FOXP2: variants seen among roughly 807,000 people sequenced by gnomAD.
The protein encoded by FOXP2 is forkhead box P2.
A neutral mutation model predicts 115.8 loss-of-function variants in FOXP2; 12 were observed. The ratio of observed to expected loss-of-function variants is 0.10; its 90% CI spans 0.07 to 0.17. FOXP2 has a LOEUF of 0.17. Among genes scored for constraint, FOXP2 ranks in the 10% least tolerant of loss-of-function variants. FOXP2 has a pLI of 1.00. For missense variants in FOXP2, 629 were observed against 843.5 expected, an observed-to-expected ratio of 0.75 and a Z score of 3.15; for synonymous variants, 328 against 297.7, an observed-to-expected ratio of 1.10 and a Z score of -1.05.
intron 2 of FOXP2, among the ~76,000 whole-genome samples, chr7:114,356,491 A>G (rs998106145): frequency 1.3e-5 from 2 of 152,194 alleles, no homozygotes; most frequent in African/African-American, 4.8e-5. Context: ...ATAGCACCTC[A>G]CAGAAATATT....
chr7:114,459,125 G>T (rs557366635), intron 2 of FOXP2, among the ~76,000 whole-genome samples: 1 of 152,148 alleles, frequency 6.6e-6, no homozygotes, highest in Admixed American at 6.5e-5. Flanking sequence ...GCTACCTAGC[G>T]GGAAGGAAAA....
In FOXP2 at chr7:114,282,742, T is replaced by C. The variant is rs538839431; in HGVS notation, c.-101-5277T>C. Among the ~76,000 whole-genome samples, 3 of 152,286 alleles carry C rather than the reference T, an allele frequency of 2.0e-5. No homozygotes were observed. In the South Asian group the frequency reaches 6.2e-4, roughly 32 times the overall value. On this transcript the variant is annotated intron_variant, in intron 1 of 17. Coordinates refer to the FOXP2 transcript ENST00000634411. ...AATCAAAGTGGGATGGTAATTATAA[T>C]GGGCACTGTGTATCTCTGGTGGCAG...
intron 2 of FOXP2, among the ~76,000 whole-genome samples, chr7:114,391,659 A>G (rs901137690): frequency 6.6e-6 from 1 of 152,208 alleles, no homozygotes; most frequent in African/African-American, 2.4e-5. Flanking sequence ...CTAACTTAAC[A>G]TATTCCTATT....
intron 2 of FOXP2, chr7:114,366,382 G>C (rs982117544): frequency 6.6e-6 from 1 of 152,052 alleles, no homozygotes; most frequent in Non-Finnish European, 1.5e-5. Flanking sequence ...CATAATTAAT[G>C]CACTAAAAAG....
intron 2 of FOXP2, among the ~76,000 whole-genome samples, chr7:114,511,297 A>G (rs1173400539): frequency 6.6e-6 from 1 of 152,180 alleles, no homozygotes; most frequent in Non-Finnish European, 1.5e-5. Flanking sequence ...TGGCACATGT[A>G]TACCTATGGA....
At chr7:114,421,962 A>G (rs1793641461) in intron 1 of FOXP2, among the ~76,000 whole-genome samples, 1 of 151,778 alleles carries the variant, frequency 6.6e-6, no homozygotes, top group African/African-American at 2.4e-5. Context: ...GAACTTAACT[A>G]ATATTTTGAG....
chr7:114,161,893 G>T (rs1792847802), upstream of FOXP2, among the ~76,000 whole-genome samples: 1 of 151,912 alleles, frequency 6.6e-6, no homozygotes, highest in Admixed American at 6.6e-5. Flanking sequence ...TGCAATTCTT[G>T]TGCCTCAGCC....
chr7:114,444,663 AC>A (rs1450376377), intron 2 of FOXP2, among the ~76,000 whole-genome samples: 1 of 152,204 alleles, frequency 6.6e-6, no homozygotes, highest in African/African-American at 2.4e-5. Flanking sequence ...TAAGTCCTAG[AC>A]TGAGAACAAG....
intron 3 of FOXP2, among the ~76,000 whole-genome samples, chr7:114,593,725 A>G (rs1229213021): frequency 6.6e-6 from 1 of 151,986 alleles, no homozygotes; most frequent in African/African-American, 2.4e-5. Context: ...GTGAAACACT[A>G]TTACATACTA....
intron 9 of FOXP2, 51 bp from the exon 10 acceptor site, chr7:114,653,875 A>G (rs1806424975): frequency 6.6e-7 from 1 of 1,522,106 alleles, no homozygotes. Flanking sequence ...GCAATAAAAT[A>G]GCTGTATCAG....
chr7:114,659,505 G>A (rs1187326921), intron 12 of FOXP2, 67 bp from the exon 13 acceptor site: 1 of 1,576,332 alleles, frequency 6.3e-7, no homozygotes, highest in Non-Finnish European at 8.7e-7. Flanking sequence ...GCTTGGATGA[G>A]AAAGTGTCAT....
At chr7:114,250,864 T>C (rs1453837046) in intron 1 of FOXP2, among the ~76,000 whole-genome samples, 2 of 152,352 alleles carry the variant, frequency 1.3e-5, no homozygotes, top group Middle Eastern at 3.4e-3. Flanking sequence ...AGACATGAAG[T>C]CCTTGCCCAT....
In FOXP2 at chr7:114,557,422, C is replaced by G. The variant is rs114903188; in HGVS notation, c.258+22716C>G. 8.6e-3 allele frequency among the ~76,000 whole-genome samples: 1,314 copies of G among 152,242 alleles called. 19 individuals carry two copies. Among genetic ancestry groups the G allele is most frequent in the African/African-American group, 0.03 (1,257 of 41,548 alleles). On this transcript the variant is annotated intron_variant, in intron 3 of 16. Coordinates refer to ENST00000350908, the MANE Select transcript of FOXP2 (RefSeq NM_014491.4). ...AAATCGCATTAAGACAAATATATAT[C>G]ATCTGTGAAATTATGCTCTGAATGC...
rs558615906 is a variant in FOXP2 at position 114,629,408 on chromosome 7, A to G, written c.397-397A>G. On this transcript the variant is annotated intron_variant, in intron 4 of 16. Coordinates refer to ENST00000350908, the MANE Select transcript of FOXP2 (RefSeq NM_014491.4). ...AATCTGACATTGTTCTGAACATCTG[A>G]TGGATTAAGTTTTTTCCAATAAGAA... Among the ~76,000 whole-genome samples, 180 of 152,252 alleles carry G rather than the reference A, an allele frequency of 1.2e-3. 1 individual carries two copies. The highest frequency in any genetic ancestry group is 3.9e-3 in the African/African-American group (161 of 41,538).
At chr7:114,386,069 G>A (rs192296596) in intron 2 of FOXP2, among the ~76,000 whole-genome samples, 3 of 152,228 alleles carry the variant, frequency 2.0e-5, no homozygotes, top group Non-Finnish European at 4.4e-5. Context: ...TAGCATGATC[G>A]GGAGTGGCAA....
In FOXP2 at chr7:114,094,335, T is replaced by C. The variant is rs1799600590; in HGVS notation, c.-247+6497T>C. ...ATAACACCACACTAATACACAAATA[T>C]TTTCATATAAGCATAATGCCCTACA... On this transcript the variant is annotated intron_variant, in intron 1 of 19. Coordinates refer to the FOXP2 transcript ENST00000635638. 2.0e-5 allele frequency among the ~76,000 whole-genome samples: 3 copies of C among 152,326 alleles called. No homozygotes were observed. The South Asian group carries it at 6.2e-4, about 32-fold the overall frequency.
At chr7:114,507,669 G>T (rs1294861096) in intron 2 of FOXP2, among the ~76,000 whole-genome samples, 2 of 151,818 alleles carry the variant, frequency 1.3e-5, no homozygotes, top group African/African-American at 4.8e-5. Context: ...CAAGATAGTG[G>T]GGACTATGTC....
chr7:114,669,156 T>A (rs937808602), intron 16 of FOXP2: 2 of 152,006 alleles, frequency 1.3e-5, no homozygotes, highest in African/African-American at 4.8e-5. Context: ...TTCACCTCAT[T>A]CATGATTATC....
chr7:114,238,335 T>C (rs1199012344), intron 1 of FOXP2, among the ~76,000 whole-genome samples: 1 of 152,158 alleles, frequency 6.6e-6, no homozygotes, highest in African/African-American at 2.4e-5. Flanking sequence ...TTTAAAACTC[T>C]ACACAAACAT....
Sources: allele counts gnomAD v4.1 joint callset (sites outside exome capture counted in the v4.1 genomes callset), GRCh38; gene constraint gnomAD v4.1.1; transcripts MANE v1.5; gene names NCBI Gene and HGNC (gene_info 2026-07-23, HGNC 2026-07-21).